PRUNE2: variants seen among roughly 807,000 people sequenced by gnomAD.
The protein encoded by PRUNE2 is prune homolog 2 with BCH domain.
A neutral mutation model predicts 252.0 loss-of-function variants in PRUNE2; 164 were observed. That is an observed-to-expected ratio of 0.65 (90% CI 0.57 to 0.74). PRUNE2 has a LOEUF of 0.74. PRUNE2 is among the 30% of genes least tolerant of loss of function. PRUNE2 has a pLI of 0.00. For synonymous variants in PRUNE2, 1,292 were observed against 1,350.2 expected (o/e 0.96, Z 0.94); for missense variants, 3,495 against 3,711.0 (o/e 0.94, Z 1.51).
chr9:76,880,959 ATT>A (rs1212200598), intron 1 of PRUNE2, among the ~76,000 whole-genome samples: 13 of 137,112 alleles, frequency 9.5e-5, no homozygotes, highest in Admixed American at 2.2e-4. Context: ...ATCCTTGTTA[ATT>A]TTTTTTTTTT....
chr9:76,721,997 C>G (rs114526146), intron 6 of PRUNE2, among the ~76,000 whole-genome samples: 1,711 of 152,248 alleles, frequency 0.011, 32 homozygotes, highest in African/African-American at 0.038. Flanking sequence ...TTTGTACACT[C>G]TTTAATTGGT....
chr9:76,707,197 C>A lies in PRUNE2; in HGVS notation c.5077G>T (p.Gly1693Cys), dbSNP rs781619098. ...TCTTCCTCTATTGACTCTTCACCAC[C>A]GACACTGTCATCATCAGAACCTGAG... ...TSSGSDDDSV[G>C]GEESIEEEIQ... The change falls in exon 8 of 19, where the codon GGT becomes TGT. Residue 1693 changes from glycine to cysteine, a missense_variant. Transcript: ENST00000376718. The A allele has an allele frequency of 5.6e-6, 9 of 1,613,968 alleles. No homozygotes were observed. The Admixed American group carries it at 1.5e-4, about 27-fold the overall frequency.
intron 6 of PRUNE2, among the ~76,000 whole-genome samples, chr9:76,792,544 G>C (rs1192441241): frequency 6.6e-6 from 1 of 152,210 alleles, no homozygotes; most frequent in East Asian, 1.9e-4. Context: ...GTTAGGCAGA[G>C]AGAAATAGGC....
At chr9:76,760,452 A>G (rs931099254) in intron 6 of PRUNE2, among the ~76,000 whole-genome samples, 5 of 152,060 alleles carry the variant, frequency 3.3e-5, no homozygotes, top group African/African-American at 1.2e-4. Context: ...TCTCTAATCT[A>G]CTTTTTCCCT....
Position 76,710,651 on chromosome 9 carries a change from G to A in PRUNE2, c.1623C>T (p.Gly541=), listed in dbSNP as rs565791030. The A allele has an allele frequency of 1.4e-5, 23 of 1,612,238 alleles. No individual in the cohort carries two copies. The highest frequency in any genetic ancestry group is 2.0e-5 in the Non-Finnish European group (23 of 1,179,104). The change falls in exon 8 of 19, where the codon GGC becomes GGT. Residue 541 remains glycine (G), a synonymous_variant. Transcript: ENST00000376718. The stretch of plus-strand genomic sequence containing the variant: ...AATAATTAGACATGTTGGTTCCCAT[G>A]CCATCAAGTCCTTCAGGCCCAGCGG... The part of the protein sequence containing the change: ...QLPAGPEGLD[G]MGTNMSNYSS...
intron 1 of PRUNE2, chr9:76,863,455 G>A (rs1442633492): frequency 2.6e-5 from 4 of 152,116 alleles, no homozygotes; most frequent in East Asian, 3.8e-4. Context: ...CTTTCAGGAT[G>A]TTTATCCTAT....
intron 1 of PRUNE2, among the ~76,000 whole-genome samples, chr9:76,882,582 G>C (rs983355866): frequency 1.3e-5 from 2 of 152,150 alleles, no homozygotes; most frequent in Non-Finnish European, 2.9e-5. Context: ...GAAAGAAAGC[G>C]GGGAGCAAAG....
chr9:76,885,397 G>A (rs548153258), intron 1 of PRUNE2, among the ~76,000 whole-genome samples: 1 of 152,302 alleles, frequency 6.6e-6, no homozygotes, highest in East Asian at 1.9e-4. Flanking sequence ...GTGAATTTGA[G>A]AGTCAGGTGA....
intron 17 of PRUNE2, among the ~76,000 whole-genome samples, chr9:76,619,833 G>A (rs2131971101): frequency 6.6e-6 from 1 of 152,296 alleles, no homozygotes; most frequent in Admixed American, 6.5e-5. Context: ...AAGAAAAAAT[G>A]TCAGCGTCAG....
intron 6 of PRUNE2, among the ~76,000 whole-genome samples, chr9:76,772,146 G>C (rs560801691): frequency 3.8e-4 from 58 of 152,242 alleles, no homozygotes; most frequent in African/African-American, 1.3e-3. Flanking sequence ...AAGGAAAAGG[G>C]CTTTTTGTGT....
chr9:76,681,065 A>G (rs753568435), intron 9 of PRUNE2, among the ~76,000 whole-genome samples: 3 of 152,198 alleles, frequency 2.0e-5, no homozygotes, highest in Non-Finnish European at 2.9e-5. Context: ...GCATACACGA[A>G]ATATTATTCA....
chr9:76,872,714 G>A (rs145796447), intron 1 of PRUNE2, among the ~76,000 whole-genome samples: 1 of 151,782 alleles, frequency 6.6e-6, no homozygotes, highest in African/African-American at 2.4e-5. Context: ...ATGACATGAT[G>A]TCTGTGGTTT....
At chr9:76,616,666 T>TA (rs1829851502) in intron 18 of PRUNE2, among the ~76,000 whole-genome samples, 1 of 152,176 alleles carries the variant, frequency 6.6e-6, no homozygotes, top group African/African-American at 2.4e-5. Flanking sequence ...TGGAACCTGT[T>TA]TACCCAGTTT....
chr9:76,874,555 A>G lies in PRUNE2; in HGVS notation c.37-20347T>C, dbSNP rs749381369. ...ATGAAAACTTAAAAAAAAATCTGAG[A>G]TATATTCATAGGTCAGTCTAATAGG... On this transcript the variant is annotated intron_variant, in intron 1 of 18. Coordinates refer to ENST00000376718, the MANE Select transcript of PRUNE2 (RefSeq NM_015225.3). 2.0e-5 allele frequency among the ~76,000 whole-genome samples: 3 copies of G among 152,342 alleles called. No homozygotes were observed. In the South Asian group the frequency reaches 6.2e-4, roughly 32 times the overall value.
chr9:76,731,320 ATATATTT>A (rs1401029913), intron 6 of PRUNE2, among the ~76,000 whole-genome samples: 1 of 101,638 alleles, frequency 9.8e-6, no homozygotes, highest in African/African-American at 4.4e-5. Flanking sequence ...CTATATATAT[ATATATTT>A]TTTTTTTTTT....
At chr9:76,857,177 A>G (rs968083893) in intron 1 of PRUNE2, 6 of 454,990 alleles carry the variant, frequency 1.3e-5, no homozygotes, top group African/African-American at 8.0e-5. Flanking sequence ...TCCCCAGCGC[A>G]TATACAGTTT....
chr9:76,707,583 G>A lies in PRUNE2; in HGVS notation c.4691C>T (p.Pro1564Leu). ...SVALSSWGQQ[P>L]SSGYQEENQG... is the part of the protein sequence containing the mutation. ...GTTTTCTTCTTGATACCCAGAACTG[G>A]GTTGCTGGCCCCAGGAGGACAGTGC... Residue 1564 changes from proline to leucine, a missense_variant, in exon 8 of 19, where the codon CCC (proline) becomes CTC (leucine). Pro to Leu is a moderately conservative substitution (Grantham distance 98). Coordinates refer to ENST00000376718, the MANE Select transcript of PRUNE2 (RefSeq NM_015225.3). 1 of 1,613,834 alleles carries A rather than the reference G, an allele frequency of 6.2e-7. No individual in the cohort carries two copies. The highest frequency in any genetic ancestry group is 8.5e-7 in the Non-Finnish European group (1 of 1,179,894).
At chr9:76,816,792 T>C (rs2057723320) in intron 6 of PRUNE2, among the ~76,000 whole-genome samples, 1 of 152,224 alleles carries the variant, frequency 6.6e-6, no homozygotes, top group Non-Finnish European at 1.5e-5. Context: ...GAACACAAAT[T>C]TGAAAAGGCT....
chr9:76,874,370 G>A (rs1382016049), intron 1 of PRUNE2, among the ~76,000 whole-genome samples: 1 of 152,162 alleles, frequency 6.6e-6, no homozygotes, highest in East Asian at 1.9e-4. Context: ...GCATGTTGGG[G>A]AGTCTAATGC....
Sources: gnomAD v4.1 joint callset for allele counts (sites outside exome capture counted in the v4.1 genomes callset) on GRCh38, gnomAD v4.1.1 for gene constraint, MANE v1.5 for transcripts, NCBI Gene and HGNC (gene_info 2026-07-23, HGNC 2026-07-21) for gene names.